Variants in DLG2 observed in about 807,000 individuals in gnomAD.
DLG2 encodes discs large MAGUK scaffold protein 2.
In DLG2, 45 loss-of-function variants were observed where a neutral mutation model predicts 132.5. That is an observed-to-expected ratio of 0.34 (90% CI 0.27 to 0.44). The LOEUF (loss-of-function observed/expected upper bound fraction) is 0.44. Among genes scored for constraint, DLG2 ranks in the 20% least tolerant of loss-of-function variants. The probability of loss-of-function intolerance (pLI) is 1.00; values close to 1 mark genes in which losing one functional copy is unlikely to be tolerated. For missense variants in DLG2, 1,045 were observed against 1,196.9 expected, an observed-to-expected ratio of 0.87 and a Z score of 1.87; for synonymous variants, 424 against 419.6, an observed-to-expected ratio of 1.01 and a Z score of -0.13.
At chr11:85,506,687 T>C (rs989319478) in intron 3 of DLG2, among the ~76,000 whole-genome samples, 14 of 152,204 alleles carry the variant, frequency 9.2e-5, no homozygotes, top group Non-Finnish European at 2.1e-4. Context: ...GAAGAATGTA[T>C]ATTCTGTTGA....
intron 16 of DLG2, among the ~76,000 whole-genome samples, chr11:83,856,804 T>G (rs1488267277): frequency 6.6e-6 from 1 of 152,256 alleles, no homozygotes; most frequent in African/African-American, 2.4e-5. Flanking sequence ...TAGTTTCTTT[T>G]GCTGTACAGA....
At chr11:84,144,302 T>C (rs1251977770) in intron 9 of DLG2, among the ~76,000 whole-genome samples, 2 of 152,116 alleles carry the variant, frequency 1.3e-5, no homozygotes, top group East Asian at 3.9e-4. Flanking sequence ...TTCTGCCATC[T>C]AAAATGCTGG....
chr11:83,965,194 A>G, intron 13 of DLG2, 130 bp downstream of exon 13: 1 of 1,011,076 alleles, frequency 9.9e-7, no homozygotes, highest in Non-Finnish European at 1.4e-6. Context: ...GGAGTTTAGG[A>G]TACTCCCTCT....
At chr11:83,994,420 C>T (rs2093908709) in intron 11 of DLG2, among the ~76,000 whole-genome samples, 1 of 152,038 alleles carries the variant, frequency 6.6e-6, no homozygotes, top group African/African-American at 2.4e-5. Flanking sequence ...TTTTAAAAGA[C>T]AGGGGTCTAT....
chr11:84,268,554 C>T (rs1015456178), intron 7 of DLG2, among the ~76,000 whole-genome samples: 4 of 151,394 alleles, frequency 2.6e-5, no homozygotes, highest in African/African-American at 9.7e-5. Context: ...CTCCACCTCC[C>T]AGGTTCACGC....
chr11:84,862,143 A>G (rs1215439648), intron 6 of DLG2, among the ~76,000 whole-genome samples: 4 of 152,104 alleles, frequency 2.6e-5, no homozygotes, highest in African/African-American at 9.7e-5. Flanking sequence ...ACATGTAACT[A>G]ACCTGCACAT....
At chr11:85,584,376 GTGTGTA>G (rs2078827351) in intron 3 of DLG2, among the ~76,000 whole-genome samples, 1 of 137,338 alleles carries the variant, frequency 7.3e-6, no homozygotes, top group African/African-American at 2.8e-5. Flanking sequence ...GTGTGTGTGT[GTGTGTA>G]TCACATTTTC....
chr11:85,277,869 C>T (rs1365547599), intron 4 of DLG2, among the ~76,000 whole-genome samples: 1 of 152,176 alleles, frequency 6.6e-6, no homozygotes, highest in African/African-American at 2.4e-5. Context: ...ATTGGTCTCC[C>T]TGTCACCGGT....
chr11:84,257,987 A>G (rs79136255), intron 7 of DLG2, among the ~76,000 whole-genome samples: 3,872 of 152,134 alleles, frequency 0.025, 172 homozygotes, highest in African/African-American at 0.085. Context: ...GCACCCAGCC[A>G]GATCCTAATT....
At chr11:84,984,319 T>C (rs1167188906) in intron 6 of DLG2, among the ~76,000 whole-genome samples, 1 of 152,182 alleles carries the variant, frequency 6.6e-6, no homozygotes, top group Non-Finnish European at 1.5e-5. Context: ...GGATTGGGAC[T>C]CTATATTCAG....
At position 83,552,450 on chromosome 11, in the gene DLG2, T is replaced by C. The variant is rs138335234; in HGVS notation, c.1941-10592A>G. ...ATATGTGCTATGTTAGGAATTAGTA[T>C]AGGGTGCTGCTCTGGGATTGTAGAG... On this transcript the variant is annotated intron_variant, in intron 19 of 27. Transcript: ENST00000376104. Among the ~76,000 whole-genome samples, 18 of 152,244 alleles carry C rather than the reference T, an allele frequency of 1.2e-4. No homozygotes were observed. In the East Asian group the frequency reaches 3.3e-3, roughly 28 times the overall value.
intron 7 of DLG2, among the ~76,000 whole-genome samples, chr11:84,435,770 G>T (rs2098998641): frequency 6.6e-6 from 1 of 152,218 alleles, no homozygotes; most frequent in Middle Eastern, 3.4e-3. Context: ...TTGTATCAAT[G>T]TCTTTTTAGG....
At chr11:84,361,797 T>C (rs559832787) in intron 7 of DLG2, among the ~76,000 whole-genome samples, 2 of 152,136 alleles carry the variant, frequency 1.3e-5, no homozygotes, top group African/African-American at 4.8e-5. Context: ...GTTAAAAGCA[T>C]ATTATTGTGA....
chr11:84,487,014 G>A (rs1160010796), intron 7 of DLG2, among the ~76,000 whole-genome samples: 2 of 152,124 alleles, frequency 1.3e-5, no homozygotes, highest in Non-Finnish European at 1.5e-5. Context: ...AAAATTGGAA[G>A]TGAGTGTAAT....
intron 7 of DLG2, among the ~76,000 whole-genome samples, chr11:84,349,944 G>A (rs1402728175): frequency 1.3e-5 from 2 of 151,986 alleles, no homozygotes; most frequent in Non-Finnish European, 2.9e-5. Flanking sequence ...TTGGGAGGCC[G>A]AGATGGGCAG....
At chr11:83,520,471 T>TAGTC (rs1451261846) in intron 21 of DLG2, among the ~76,000 whole-genome samples, 1 of 152,212 alleles carries the variant, frequency 6.6e-6, no homozygotes, top group Non-Finnish European at 1.5e-5. Flanking sequence ...TCATAATCCT[T>TAGTC]AGTCATGATA....
intron 16 of DLG2, among the ~76,000 whole-genome samples, chr11:83,864,145 G>A (rs771185161): frequency 9.2e-5 from 14 of 152,134 alleles, no homozygotes; most frequent in Non-Finnish European, 1.5e-4. Flanking sequence ...GTTTAAAGAG[G>A]GTGTTCATTT....
intron 16 of DLG2, among the ~76,000 whole-genome samples, chr11:83,866,291 C>A (rs3793954): frequency 0.79 from 120,120 of 152,070 alleles, 47,393 homozygotes; most frequent in Middle Eastern, 0.89. Flanking sequence ...GTGCAAATGT[C>A]AAGAAGAGGT....
intron 6 of DLG2, among the ~76,000 whole-genome samples, chr11:85,016,193 G>C (rs957293853): frequency 1.3e-5 from 2 of 151,998 alleles, no homozygotes; most frequent in Non-Finnish European, 2.9e-5. Flanking sequence ...AAAATAAATT[G>C]TGTATGTTTC....
Sources: gnomAD v4.1 joint callset for allele counts (sites outside exome capture counted in the v4.1 genomes callset) on GRCh38, gnomAD v4.1.1 for gene constraint, MANE v1.5 for transcripts, NCBI Gene and HGNC (gene_info 2026-07-23, HGNC 2026-07-21) for gene names.